The following ALCAM variants were observed in gnomAD, a reference collection of about 807,000 sequenced individuals.
The protein encoded by ALCAM is CD166 antigen.
A neutral mutation model predicts 70.9 loss-of-function variants in ALCAM; 30 were observed. That is an observed-to-expected ratio of 0.42 (90% CI 0.32 to 0.57). The LOEUF (loss-of-function observed/expected upper bound fraction) is 0.57. Among genes scored for constraint, ALCAM ranks in the 20% least tolerant of loss-of-function variants. The pLI, the probability that ALCAM is intolerant of heterozygous loss-of-function variation, is 0.11. For synonymous variants in ALCAM, 249 were observed against 242.5 expected (o/e 1.03, Z -0.25); for missense variants, 591 against 695.1 (o/e 0.85, Z 1.68).
chr3:105,445,108 A>G (rs539745984), intron 1 of ALCAM, among the ~76,000 whole-genome samples: 20 of 152,336 alleles, frequency 1.3e-4, no homozygotes, highest in African/African-American at 4.3e-4. Context: ...GTTAATATTG[A>G]AGAAATAAAA....
At chr3:105,511,503 A>G (rs1939235206) in intron 1 of ALCAM, among the ~76,000 whole-genome samples, 1 of 152,030 alleles carries the variant, frequency 6.6e-6, no homozygotes, top group Non-Finnish European at 1.5e-5. Flanking sequence ...ACAAAATGCC[A>G]TAGAAAGCCG....
chr3:105,428,927 TA>T (rs1415648107), intron 1 of ALCAM, among the ~76,000 whole-genome samples: 1 of 151,954 alleles, frequency 6.6e-6, no homozygotes, highest in East Asian at 1.9e-4. Flanking sequence ...TAACCTTTGA[TA>T]AAACCATCAT....
intron 1 of ALCAM, among the ~76,000 whole-genome samples, chr3:105,509,558 T>C (rs541538765): frequency 6.6e-6 from 1 of 152,222 alleles, no homozygotes; most frequent in African/African-American, 2.4e-5. Context: ...TTTTATCTGC[T>C]TCTCTGTGGG....
At chr3:105,406,207 T>A (rs567711868) in intron 1 of ALCAM, among the ~76,000 whole-genome samples, 3 of 152,296 alleles carry the variant, frequency 2.0e-5, no homozygotes, top group Admixed American at 2.0e-4. Context: ...GTAATTACCC[T>A]TATCTTGTCT....
chr3:105,518,634 G>A (rs1242453340), intron 1 of ALCAM, among the ~76,000 whole-genome samples: 1 of 151,780 alleles, frequency 6.6e-6, no homozygotes, highest in African/African-American at 2.4e-5. Context: ...GATTATAATT[G>A]CAGTATAGAG....
intron 1 of ALCAM, among the ~76,000 whole-genome samples, chr3:105,510,403 C>T (rs1317002219): frequency 6.6e-6 from 1 of 152,046 alleles, no homozygotes; most frequent in Non-Finnish European, 1.5e-5. Flanking sequence ...AACCTTAGCA[C>T]AAATCTGGTA....
chr3:105,403,801 A>G (rs539447101), intron 1 of ALCAM, among the ~76,000 whole-genome samples: 1 of 152,102 alleles, frequency 6.6e-6, no homozygotes, highest in East Asian at 2.0e-4. Flanking sequence ...GAGCCACCAG[A>G]GAAAAGTGAA....
At chr3:105,539,346 A>G (rs1419586824) in intron 6 of ALCAM, among the ~76,000 whole-genome samples, 1 of 152,052 alleles carries the variant, frequency 6.6e-6, no homozygotes, top group African/African-American at 2.4e-5. Context: ...CCATAAATTG[A>G]CCAAAATGGA....
intron 1 of ALCAM, among the ~76,000 whole-genome samples, chr3:105,402,208 C>G (rs945483920): frequency 2.6e-5 from 4 of 152,148 alleles, no homozygotes; most frequent in African/African-American, 9.7e-5. Flanking sequence ...TGTGCCAAAT[C>G]TAGATACTTT....
chr3:105,430,381 G>A (rs1936899873), intron 1 of ALCAM, among the ~76,000 whole-genome samples: 1 of 151,908 alleles, frequency 6.6e-6, no homozygotes, highest in Non-Finnish European at 1.5e-5. Flanking sequence ...CACAGTTGTT[G>A]AAACTTTACA....
intron 1 of ALCAM, among the ~76,000 whole-genome samples, chr3:105,380,350 ATT>A (rs1373711344): frequency 2.0e-5 from 3 of 151,904 alleles, no homozygotes; most frequent in Admixed American, 6.6e-5. Flanking sequence ...TGGTTAAAAA[ATT>A]TAAATGGTTT....
At chr3:105,376,443 C>T (rs1576118899) in intron 1 of ALCAM, among the ~76,000 whole-genome samples, 1 of 152,260 alleles carries the variant, frequency 6.6e-6, no homozygotes, top group Non-Finnish European at 1.5e-5. Context: ...TTGGCCAATC[C>T]AGAACTAAAA....
chr3:105,569,274 A>G (rs1321704499), intron 14 of ALCAM, among the ~76,000 whole-genome samples: 1 of 152,048 alleles, frequency 6.6e-6, no homozygotes, highest in Non-Finnish European at 1.5e-5. Context: ...TGGAATGGAG[A>G]AAAAAATTAG....
intron 1 of ALCAM, among the ~76,000 whole-genome samples, chr3:105,373,796 T>C (rs979915097): frequency 3.9e-5 from 6 of 152,196 alleles, no homozygotes; most frequent in Admixed American, 3.3e-4. Flanking sequence ...TTCTTTGCAT[T>C]AAATACAGTA....
chr3:105,459,020 A>G (rs952872118), intron 1 of ALCAM, among the ~76,000 whole-genome samples: 1 of 152,178 alleles, frequency 6.6e-6, no homozygotes, highest in African/African-American at 2.4e-5. Context: ...AATTTTTGTT[A>G]TGTGTCATGC....
At chr3:105,541,191 T>A (rs550863911) in intron 7 of ALCAM, among the ~76,000 whole-genome samples, 2 of 151,844 alleles carry the variant, frequency 1.3e-5, no homozygotes, top group South Asian at 4.1e-4. Context: ...CTCATTCTTC[T>A]CATTTCATCC....
intron 9 of ALCAM, among the ~76,000 whole-genome samples, chr3:105,546,301 C>G (rs1384579033): frequency 6.6e-6 from 1 of 151,274 alleles, no homozygotes. Flanking sequence ...TCTAGAGTTT[C>G]TTTTTGATGG....
At chr3:105,408,481 G>T (rs1410111221) in intron 1 of ALCAM, among the ~76,000 whole-genome samples, 1 of 152,056 alleles carries the variant, frequency 6.6e-6, no homozygotes, top group Non-Finnish European at 1.5e-5. Flanking sequence ...AATGGTGCTG[G>T]GATAATTGGC....
At position 105,575,012 on chromosome 3, in the gene ALCAM, G is replaced by A. The variant is rs1408334124; in HGVS notation, c.*561G>A. ...AAACTGTGATTTTTATCACAAGGGAGGGGAGGCCGAGAGTCAGACTGATAG... is the reference window on the plus strand; with the variant it reads ...AAACTGTGATTTTTATCACAAGGGAAGGGAGGCCGAGAGTCAGACTGATAG... On this transcript the variant is annotated 3_prime_UTR_variant, in exon 16 of 16. Coordinates refer to ENST00000306107, the MANE Select transcript of ALCAM (RefSeq NM_001627.4). 1 of 152,444 alleles carries A rather than the reference G, an allele frequency of 6.6e-6. No homozygotes were observed. Among genetic ancestry groups the A allele is most frequent in the Non-Finnish European group, 1.5e-5 (1 of 68,024 alleles). The allele number at this position is 152,444 out of a possible 1,614,324, so 9.4% of individuals were successfully genotyped here.
Sources: allele counts gnomAD v4.1 joint callset (sites outside exome capture counted in the v4.1 genomes callset), GRCh38; gene constraint gnomAD v4.1.1; transcripts MANE v1.5; gene names NCBI Gene and HGNC (gene_info 2026-07-23, HGNC 2026-07-21).